Variants in KCTD2 observed in about 807,000 individuals in gnomAD.
KCTD2 encodes the protein potassium channel tetramerization domain containing 2.
KCTD2 carries 18 observed loss-of-function variants against 27.9 expected under a neutral mutation model. The ratio of observed to expected loss-of-function variants is 0.64; its 90% confidence interval spans 0.45 to 0.96. KCTD2 has a LOEUF of 0.96. KCTD2 is among the 40% of genes least tolerant of loss of function. The probability of loss-of-function intolerance (pLI) is 0.00; values close to 1 mark genes in which losing one functional copy is unlikely to be tolerated. For missense variants in KCTD2, 280 were observed against 348.0 expected, an observed-to-expected ratio of 0.80 and a Z score of 1.56; for synonymous variants, 175 against 148.4, an observed-to-expected ratio of 1.18 and a Z score of -1.30.
At chr17:75,035,655 T>TAAAAATAC (rs1300210743) in intron 3 of KCTD2, among the ~76,000 whole-genome samples, 1 of 152,010 alleles carries the variant, frequency 6.6e-6, no homozygotes, top group East Asian at 1.9e-4. Context: ...CCGTCTCTAC[T>TAAAAATAC]AAAAATACAA....
intron 3 of KCTD2, among the ~76,000 whole-genome samples, chr17:75,056,487 G>C (rs2073351429): frequency 6.6e-6 from 1 of 152,166 alleles, no homozygotes; most frequent in Non-Finnish European, 1.5e-5. Flanking sequence ...AATTCCTGGA[G>C]AGCATTATAA....
chr17:75,036,054 TTC>T (rs2040111957), intron 3 of KCTD2: 1 of 454,242 alleles, frequency 2.2e-6, no homozygotes, highest in Non-Finnish European at 4.4e-6. Context: ...AATTTTTTTT[TTC>T]TTTTTCTTCT....
chr17:75,056,952 C>CTTTTTTTTTTTTTTTTTTTTTT (rs35875644), intron 3 of KCTD2, among the ~76,000 whole-genome samples: 2 of 107,994 alleles, frequency 1.9e-5, no homozygotes, highest in African/African-American at 3.6e-5. Flanking sequence ...TTTCTTTTTT[C>CTTTTTTTTTTTTTTTTTTTTTT]TTTTTTTTTT....
chr17:75,047,983 A>G (rs2073245519), intron 1 of KCTD2, among the ~76,000 whole-genome samples: 1 of 152,138 alleles, frequency 6.6e-6, no homozygotes, highest in Non-Finnish European at 1.5e-5. Flanking sequence ...GAACTGGGTC[A>G]GGGTTAGCTC....
At chr17:75,052,714 ACT>A (rs1391778855) in intron 2 of KCTD2, among the ~76,000 whole-genome samples, 2 of 151,786 alleles carry the variant, frequency 1.3e-5, no homozygotes, top group African/African-American at 2.4e-5. Context: ...CAAGAATGAA[ACT>A]CTGTTTCGGG....
chr17:75,034,357 G>T (rs1381651021), intron 2 of KCTD2, among the ~76,000 whole-genome samples: 1 of 152,080 alleles, frequency 6.6e-6, no homozygotes, highest in African/African-American at 2.4e-5. Context: ...GCAGGTAGCG[G>T]GCAGGTGGTG....
upstream of KCTD2, among the ~76,000 whole-genome samples, chr17:75,044,199 ATT>A (rs755560156): frequency 1.5e-4 from 14 of 94,660 alleles, no homozygotes; most frequent in Non-Finnish European, 1.5e-4. Flanking sequence ...TAATTTTTGT[ATT>A]TTTTTTTTTT....
chr17:75,052,654 C>T (rs188297186), intron 2 of KCTD2, among the ~76,000 whole-genome samples: 97 of 152,260 alleles, frequency 6.4e-4, no homozygotes, highest in African/African-American at 2.2e-3. Flanking sequence ...ACCCAGCAGG[C>T]GGAGTTTGCA....
At chr17:75,041,469 C>T (rs1230547880) in intron 3 of KCTD2, 2 of 119,648 alleles carry the variant, frequency 1.7e-5, no homozygotes, top group South Asian at 2.6e-4. Flanking sequence ...AAAAACAAAA[C>T]GAAAATTTAT....
At chr17:75,047,182 G>C, upstream of KCTD2, 1 of 458,932 alleles carries the variant, frequency 2.2e-6, no homozygotes, top group Non-Finnish European at 3.2e-6. Context: ...GGCCGGCCCG[G>C]CTCTCCCTGC....
chr17:75,061,970 C>T (rs764281363), intron 4 of KCTD2, 150 bp from the exon 5 acceptor site: 130 of 791,326 alleles, frequency 1.6e-4, no homozygotes, highest in Admixed American at 3.7e-4. Context: ...CATTTCTCCC[C>T]GGGGGCTTTG....
chr17:75,042,909 T>C (rs1479774862), upstream of KCTD2, among the ~76,000 whole-genome samples: 1 of 151,990 alleles, frequency 6.6e-6, no homozygotes, highest in Non-Finnish European at 1.5e-5. Context: ...ACAGTGTAGC[T>C]TTTCAAATTC....
rs1217913923 is a variant in KCTD2, at chr17:75,032,884, C to A, written c.-470+160C>A. ...AACTTAAAGGGGGGCATCCTCAAGG[C>A]AGTAAACTGGAGCCAAGTGGGTTAA... On this transcript the variant is annotated intron_variant, in intron 1 of 7. Coordinates refer to the KCTD2 transcript ENST00000581589. The surrounding 1 kb of genome is among the most constrained non-coding windows in gnomAD (Gnocchi z 4.8). 3.9e-5 allele frequency: 6 copies of A among 152,274 alleles called. No individual in the cohort carries two copies. 9.4% of individuals were successfully genotyped at this position (152,274 alleles called of 1,614,324 possible).
chr17:75,051,531 G>A lies in KCTD2; in HGVS notation c.449-1483G>A, dbSNP rs548666135. On this transcript the variant is annotated intron_variant, in intron 2 of 5. Transcript: ENST00000322444. Reference sequence around the variant, plus strand: ...GAACTCCTGACCTCGTGATCCACCCGCCTTGGCCTCCCGAAATGCTGCGAT... The same window carrying A: ...GAACTCCTGACCTCGTGATCCACCCACCTTGGCCTCCCGAAATGCTGCGAT... Among the ~76,000 whole-genome samples, 25 of 150,958 alleles carry A rather than the reference G, an allele frequency of 1.7e-4. 1 individual carries two copies. In the South Asian group the frequency reaches 4.6e-3, roughly 28 times the overall value.
Position 75,049,315 on chromosome 17 carries a change from G to T in KCTD2, c.435G>T (p.Glu145Asp), listed in dbSNP as rs759681150. 6.2e-7 allele frequency: 1 copy of T among 1,605,962 alleles called. No homozygotes were observed. The highest frequency in any genetic ancestry group is 1.7e-5 in the Admixed American group (1 of 59,910). Residue 145 changes from glutamate (E) to aspartate (D), a missense_variant, in exon 2 of 6, where the codon GAG becomes GAT. Physicochemically the swap from Glu to Asp is conservative, Grantham distance 45 (BLOSUM62 2). Transcript: ENST00000322444. ...LRHGKLIITK[E>D]LAEEGVLEEA... Reference sequence around the variant, plus strand: ...ACGGGAAACTCATCATCACTAAGGAGTTGGCAGAAGAAGGTAAGCGCACTG... The same window carrying T: ...ACGGGAAACTCATCATCACTAAGGATTTGGCAGAAGAAGGTAAGCGCACTG...
At chr17:75,051,428 G>A (rs2073285422) in intron 2 of KCTD2, among the ~76,000 whole-genome samples, 1 of 151,550 alleles carries the variant, frequency 6.6e-6, no homozygotes, top group Admixed American at 6.6e-5. Flanking sequence ...GGGATTACAG[G>A]TGCATGCCAC....
intron 3 of KCTD2, among the ~76,000 whole-genome samples, chr17:75,058,418 C>T (rs35903673): frequency 0.017 from 2,508 of 151,864 alleles, 33 homozygotes; most frequent in Non-Finnish European, 0.027. Context: ...GCAGGAGAAT[C>T]GCTTGAACCA....
rs777510631 is a variant in KCTD2 at position 75,059,540 on chromosome 17, C to T, written c.571C>T (p.Gln191Ter). The change falls in exon 4 of 6, where the codon CAG (glutamine) becomes TAG (stop). Residue 191 changes from glutamine to a stop codon, truncating the protein, a stop_gained. Coordinates refer to ENST00000322444, the MANE Select transcript of KCTD2 (RefSeq NM_015353.3). LOFTEE classifies it high-confidence loss of function. ...CGTGAAGCACGTGTACAGAGTCCTG[C>T]AGTGTCAGGAAGAAGAGCTCACGCA... ...GPVKHVYRVLQCQEEELTQMV... is the reference protein window; with the variant it reads ...GPVKHVYRVL 6.2e-7 allele frequency: 1 copy of T among 1,614,008 alleles called. No individual in the cohort carries two copies. The highest frequency in any genetic ancestry group is 1.1e-5 in the South Asian group (1 of 91,080).
chr17:75,062,290 C>T (rs71380862), intron 5 of KCTD2, 45 bp downstream of exon 5: 35,908 of 1,578,072 alleles, frequency 0.023, 455 homozygotes, highest in Non-Finnish European at 0.027. Flanking sequence ...CTTGCTTGTT[C>T]GCACCCCCTC....
Sources: allele counts gnomAD v4.1 joint callset (sites outside exome capture counted in the v4.1 genomes callset), GRCh38; gene constraint gnomAD v4.1.1; non-coding constraint Gnocchi (gnomAD v3.1); transcripts MANE v1.5; gene names NCBI Gene and HGNC (gene_info 2026-07-23, HGNC 2026-07-21).